RGS5: variants seen among roughly 807,000 people sequenced by gnomAD.
The protein encoded by RGS5 is regulator of G-protein signalling 5.
RGS5 carries 20 observed loss-of-function variants against 18.9 expected under a neutral mutation model. The observed-to-expected ratio is 1.06, with a 90% CI of 0.74 to 1.54. The LOEUF (loss-of-function observed/expected upper bound fraction) is 1.54, where lower values mean the gene tolerates loss of function less well. RGS5 is among the 40% of genes most tolerant of loss of function. The probability of loss-of-function intolerance (pLI) is 0.00; values close to 1 mark genes in which losing one functional copy is unlikely to be tolerated. For missense variants in RGS5, 201 were observed against 211.8 expected (o/e 0.95, Z 0.32); for synonymous variants, 57 against 76.2 (o/e 0.75, Z 1.31).
chr1:163,177,977 G>C (rs1658631226), intron 1 of RGS5, among the ~76,000 whole-genome samples: 1 of 152,152 alleles, frequency 6.6e-6, no homozygotes, highest in South Asian at 2.1e-4. Context: ...GAGAAGGAGT[G>C]AAAGACTACT....
intron 3 of RGS5, among the ~76,000 whole-genome samples, chr1:163,160,114 G>A (rs888482829): frequency 1.3e-5 from 2 of 152,060 alleles, no homozygotes; most frequent in African/African-American, 4.8e-5. Context: ...GTAGCTCTCT[G>A]TCTCCTAAAA....
At chr1:163,252,154 C>T (rs1648127569) in intron 2 of RGS5, among the ~76,000 whole-genome samples, 1 of 152,146 alleles carries the variant, frequency 6.6e-6, no homozygotes, top group Admixed American at 6.5e-5. Flanking sequence ...TCTCCACATC[C>T]TTCCCAACAC....
intron 2 of RGS5, among the ~76,000 whole-genome samples, chr1:163,305,848 A>G (rs1397520315): frequency 6.6e-6 from 1 of 152,196 alleles, no homozygotes; most frequent in African/African-American, 2.4e-5. Context: ...AAGTAGGGTC[A>G]CTAGTCCTCA....
At chr1:163,182,012 T>C (rs539903687) in intron 1 of RGS5, among the ~76,000 whole-genome samples, 80 of 152,228 alleles carry the variant, frequency 5.3e-4, no homozygotes, top group African/African-American at 1.9e-3. Context: ...CATTAATAGG[T>C]TTAGCATGGA....
At chr1:163,162,109 G>A (rs908090980) in intron 2 of RGS5, 133 bp from the exon 3 acceptor site, 1 of 634,856 alleles carries the variant, frequency 1.6e-6, no homozygotes, top group Non-Finnish European at 2.8e-6. Context: ...GGACAAGGAA[G>A]TTTAAGTTAT....
chr1:163,264,429 T>C (rs755100481), intron 2 of RGS5, among the ~76,000 whole-genome samples: 5 of 152,194 alleles, frequency 3.3e-5, no homozygotes, highest in Non-Finnish European at 5.9e-5. Flanking sequence ...AATACCACAC[T>C]GTAAACTCTA....
intron 1 of RGS5, among the ~76,000 whole-genome samples, chr1:163,177,388 T>C (rs1048323021): frequency 6.6e-6 from 1 of 152,216 alleles, no homozygotes; most frequent in East Asian, 1.9e-4. Context: ...ACTAGGACTT[T>C]ATTGAGATTA....
intron 2 of RGS5, among the ~76,000 whole-genome samples, chr1:163,241,362 G>A (rs975033899): frequency 6.6e-6 from 1 of 152,070 alleles, no homozygotes; most frequent in African/African-American, 2.4e-5. Context: ...ATTATCTTCT[G>A]GTCTGAACAT....
chr1:163,152,461 C>T (rs931401236), intron 4 of RGS5, 89 bp downstream of exon 4: 1 of 1,382,750 alleles, frequency 7.2e-7, no homozygotes, highest in Non-Finnish European at 9.8e-7. Context: ...TAGCCTTTGG[C>T]TCCCAACGGG....
At chr1:163,155,325 A>G (rs576463349) in intron 3 of RGS5, among the ~76,000 whole-genome samples, 7 of 152,346 alleles carry the variant, frequency 4.6e-5, no homozygotes, top group Admixed American at 2.0e-4. Context: ...CTTTCCAGGG[A>G]ATAAGCTTGC....
upstream of RGS5, among the ~76,000 whole-genome samples, chr1:163,207,353 C>G (rs1286419926): frequency 6.6e-6 from 1 of 152,094 alleles, no homozygotes; most frequent in Non-Finnish European, 1.5e-5. Context: ...TATATGCCCC[C>G]GGAGCAGTTT....
chr1:163,175,606 A>C (rs1248631880), intron 1 of RGS5, among the ~76,000 whole-genome samples: 2 of 152,190 alleles, frequency 1.3e-5, no homozygotes, highest in African/African-American at 4.8e-5. Flanking sequence ...ATTGTGGTGG[A>C]AAGAATCTAT....
At chr1:163,180,787 C>T (rs1318502527) in intron 1 of RGS5, among the ~76,000 whole-genome samples, 1 of 149,086 alleles carries the variant, frequency 6.7e-6, no homozygotes, top group African/African-American at 2.5e-5. Context: ...CTGCGCCTCC[C>T]GGGTTCACGC....
intron 2 of RGS5, among the ~76,000 whole-genome samples, chr1:163,289,817 A>G (rs1007858872): frequency 2.0e-5 from 3 of 152,160 alleles, no homozygotes; most frequent in African/African-American, 7.2e-5. Flanking sequence ...GCCCTCGGTA[A>G]GGCTTCCATT....
intron 1 of RGS5, among the ~76,000 whole-genome samples, chr1:163,201,259 A>G (rs1310340557): frequency 6.6e-6 from 1 of 152,170 alleles, no homozygotes; most frequent in Non-Finnish European, 1.5e-5. Context: ...ATTGTCCCAT[A>G]TTCAAGTTTT....
intron 1 of RGS5, 68 bp downstream of exon 1, chr1:163,202,724 G>A (rs1659824788): frequency 4.1e-6 from 6 of 1,447,648 alleles, no homozygotes; most frequent in Non-Finnish European, 5.8e-6. Context: ...TGTTACCACT[G>A]GGCAGCCTCC....
chr1:163,188,496 C>T (rs768271654), intron 1 of RGS5, among the ~76,000 whole-genome samples: 35 of 152,130 alleles, frequency 2.3e-4, no homozygotes, highest in Admixed American at 2.0e-3. Context: ...TGAAGGAGTT[C>T]CTTCATTTTA....
At chr1:163,321,420 T>C (rs1418067716) in intron 1 of RGS5, 1 of 152,216 alleles carries the variant, frequency 6.6e-6, no homozygotes, top group East Asian at 1.9e-4. Context: ...ATCCCAGCTA[T>C]GCTACTTGTG....
At chr1:163,178,288 A>G (rs1252000536) in intron 1 of RGS5, among the ~76,000 whole-genome samples, 1 of 152,158 alleles carries the variant, frequency 6.6e-6, no homozygotes, top group Non-Finnish European at 1.5e-5. Context: ...TTGGGCCTAG[A>G]AAACAAAAGG....
Sources: allele counts gnomAD v4.1 joint callset (sites outside exome capture counted in the v4.1 genomes callset), GRCh38; gene constraint gnomAD v4.1.1; transcripts MANE v1.5; gene names NCBI Gene and HGNC (gene_info 2026-07-23, HGNC 2026-07-21).